COL6A1: variants seen among roughly 807,000 people sequenced by gnomAD.
COL6A1 encodes the protein collagen type VI alpha 1 chain.
COL6A1 carries 80 observed loss-of-function variants against 145.6 expected under a neutral mutation model. That is an observed-to-expected ratio of 0.55 (90% CI 0.46 to 0.66). The LOEUF (loss-of-function observed/expected upper bound fraction) is 0.66. Among genes scored for constraint, COL6A1 ranks in the 30% least tolerant of loss-of-function variants. COL6A1 has a pLI of 0.00. For missense variants in COL6A1, 1,364 were observed against 1,473.8 expected, an observed-to-expected ratio of 0.93 and a Z score of 1.22; for synonymous variants, 638 against 622.8, an observed-to-expected ratio of 1.02 and a Z score of -0.36.
chr21:45,999,419 A>G (rs1223126490), intron 26 of COL6A1: 2 of 739,062 alleles, frequency 2.7e-6, no homozygotes, highest in Non-Finnish European at 2.3e-6. Context: ...AGCCGAGCCC[A>G]GGGACACAGC....
At position 45,984,386 on chromosome 21, in the gene COL6A1, C is replaced by A; in HGVS notation, c.345C>A (p.Ser115Arg). 1 of 1,612,758 alleles carries A rather than the reference C, an allele frequency of 6.2e-7. No individual in the cohort carries two copies. The highest frequency in any genetic ancestry group is 8.5e-7 in the Non-Finnish European group (1 of 1,179,946). Residue 115 changes from serine to arginine, a missense_variant, in exon 3 of 35, where the codon AGC becomes AGA. Transcript: ENST00000361866. ...CTGGCGGCCGCGACGCACTCAAAAG[C>A]AGCGTGGACGCGGTCAAGTACTTTG... ...RMPGGRDALK[S>R]SVDAVKYFGK...
Position 46,004,410 on chromosome 21 carries a change from T to G in COL6A1, c.*397T>G. The G allele has an allele frequency of 2.9e-6, 1 of 344,892 alleles. No individual in the cohort carries two copies. The highest frequency in any genetic ancestry group is 5.6e-6 in the Non-Finnish European group (1 of 180,176). 21.4% of individuals were successfully genotyped at this position (344,892 alleles called of 1,614,324 possible). On this transcript the variant is annotated 3_prime_UTR_variant, in exon 35 of 35. Coordinates refer to ENST00000361866, the MANE Select transcript of COL6A1 (RefSeq NM_001848.3). The stretch of plus-strand genomic sequence containing the variant: ...CCTCCCTCCTGCCTGCGCAGCTCCT[T>G]CCCTAGGCACCTCTGTGCTGCATCC...
rs767699154 is a variant in COL6A1, at chr21:45,991,066, G to C, written c.1119+25G>C. On this transcript the variant is annotated intron_variant, in intron 15 of 34. Transcript: ENST00000361866. Reference sequence around the variant, plus strand: ...GGTGAGTGACTTGCGGCCCCTGGAGGACCAGGGCCTTCACGGTTGGCCAAG... The same window carrying C: ...GGTGAGTGACTTGCGGCCCCTGGAGCACCAGGGCCTTCACGGTTGGCCAAG... The C allele has an allele frequency of 6.2e-6, 10 of 1,611,494 alleles. 1 individual carries two copies. The South Asian group carries it at 1.1e-4, about 18-fold the overall frequency.
At position 45,998,102 on chromosome 21, in the gene COL6A1, G is replaced by A. The variant is rs769397837; in HGVS notation, c.1525-19G>A. 3.2e-5 allele frequency: 51 copies of A among 1,611,422 alleles called. No individual in the cohort carries two copies. The highest frequency in any genetic ancestry group is 4.0e-5 in the Non-Finnish European group (47 of 1,179,510). ...AGGCCAGGCCGATTCGCACGGTGAC[G>A]GCTACTCTGCTCCCCCAGGGAGAAG... is the stretch of plus-strand genomic sequence containing the variant. On this transcript the variant is annotated intron_variant, in intron 22 of 34. Coordinates refer to ENST00000361866, the MANE Select transcript of COL6A1 (RefSeq NM_001848.3).
At chr21:46,003,263 TG>T in intron 34 of COL6A1, 114 bp downstream of exon 34, 1 of 1,603,448 alleles carries the variant, frequency 6.2e-7, no homozygotes, top group East Asian at 2.2e-5. Flanking sequence ...AGTAGGTGCA[TG>T]GCTCACTCCG....
intron 1 of COL6A1, 105 bp from the exon 2 acceptor site, chr21:45,982,529 G>A: frequency 5.8e-6 from 9 of 1,541,884 alleles, no homozygotes; most frequent in Non-Finnish European, 8.0e-6. Flanking sequence ...CTCCGGGCCC[G>A]GGGCTCTGTG....
rs906464060 is a variant in COL6A1 at position 46,004,119 on chromosome 21, G to T, written c.*106G>T. On this transcript the variant is annotated 3_prime_UTR_variant, in exon 35 of 35. Coordinates refer to ENST00000361866, the MANE Select transcript of COL6A1 (RefSeq NM_001848.3). ...TTTTCCCGACCAACCTGATTCGCTA[G>T]ATTTTTTTTAAGGAAAAGCTTGGAA... The T allele has an allele frequency of 6.4e-5, 95 of 1,483,652 alleles. No homozygotes were observed. The highest frequency in any genetic ancestry group is 5.3e-5 in the Admixed American group (3 of 56,178). The allele number at this position is 1,483,652 out of a possible 1,614,324, so 91.9% of individuals were successfully genotyped here.
At position 45,989,015 on chromosome 21, in the gene COL6A1, C is replaced by G. The variant is rs902557994; in HGVS notation, c.805-69C>G. On this transcript the variant is annotated intron_variant, in intron 8 of 34. Transcript: ENST00000361866. ...GCTGGATGAAGCGTCTTTTTAAAAA[C>G]CTGTTTCGTGAGCCAGCTTTTTAGA... The G allele has an allele frequency of 1.1e-5, 17 of 1,574,954 alleles. No homozygotes were observed. In the African/African-American group the frequency reaches 1.8e-4, roughly 16 times the overall value.
At chr21:45,991,242 T>C (rs1386254103) in intron 15 of COL6A1, among the ~76,000 whole-genome samples, 2 of 152,132 alleles carry the variant, frequency 1.3e-5, no homozygotes, top group Non-Finnish European at 2.9e-5. Flanking sequence ...GCCGTGGCGC[T>C]CCCGCCCAGA....
rs1415065984 is a variant in COL6A1 at position 45,982,670 on chromosome 21, CTG to C, written c.135_136del (p.Ser47ArgfsTer34). 1 of 1,612,932 alleles carries C rather than the reference CTG, an allele frequency of 6.2e-7. No individual in the cohort carries two copies. The highest frequency in any genetic ancestry group is 1.7e-5 in the Admixed American group (1 of 60,030). On this transcript the variant is annotated frameshift_variant, in exon 2 of 35. Transcript: ENST00000361866. LOFTEE classifies it high-confidence loss of function. ...GACCTGTTCTTTGTGCTGGACACCTCTGAGAGCGTGGCCCTGAGGCTGAAGCC... is the reference window on the plus strand; with the variant it reads ...GACCTGTTCTTTGTGCTGGACACCTCAGAGCGTGGCCCTGAGGCTGAAGCC...
Position 45,981,903 on chromosome 21 carries a change from C to T in COL6A1, c.53C>T (p.Ala18Val), listed in dbSNP as rs1394319780. The T allele has an allele frequency of 4.4e-6, 7 of 1,606,420 alleles. No individual in the cohort carries two copies. In the East Asian group the frequency reaches 6.7e-5, roughly 15 times the overall value. ...CTGCTGCTGCAGGCCTGCTGGACAG[C>T]CGCGCAGGATGAGCCGGAGACCCCG... is the stretch of plus-strand genomic sequence containing the variant. ...LPLLLQACWT[A>V]AQDEPETPRA... is the part of the protein sequence containing the mutation. Residue 18 changes from alanine to valine, a missense_variant, in exon 1 of 35, where the codon GCC becomes GTC. Around this residue, in one of 3 missense-constraint regions of COL6A1, gnomAD observed 414 missense variants for 437.6 expected, o/e 0.95. Transcript: ENST00000361866.
chr21:45,995,281 C>G (rs2077798787), intron 20 of COL6A1, among the ~76,000 whole-genome samples: 1 of 152,258 alleles, frequency 6.6e-6, no homozygotes, highest in East Asian at 1.9e-4. Context: ...TGCACGGCCT[C>G]AGTCTCTGAT....
intron 15 of COL6A1, among the ~76,000 whole-genome samples, chr21:45,991,363 C>T (rs2077776211): frequency 6.6e-6 from 1 of 152,316 alleles, no homozygotes; most frequent in Admixed American, 6.5e-5. Context: ...CTGCGAGCCG[C>T]AGCCCAGAAT....
At chr21:45,982,973 C>T (rs992706336) in intron 2 of COL6A1, among the ~76,000 whole-genome samples, 2 of 152,236 alleles carry the variant, frequency 1.3e-5, no homozygotes, top group Non-Finnish European at 2.9e-5. Flanking sequence ...CCTCTCCCAG[C>T]GCCTTCCAGA....
rs1391624796 is a variant in COL6A1, at chr21:45,989,090, C to T, written c.811C>T (p.Arg271Ter). 6.8e-6 allele frequency: 11 copies of T among 1,611,448 alleles called. No homozygotes were observed. Among genetic ancestry groups the T allele is most frequent in the South Asian group, 2.2e-5 (2 of 90,950 alleles). ...LRGDPGFEGE[R>*]GKPGLPGEKG... is the part of the protein sequence containing the mutation. ...GACCTGTTTTGTGTTCCAGGGAGAA[C>T]GAGGCAAGCCGGGGCTCCCAGGAGA... Residue 271 changes from arginine (R) to a stop codon, truncating the protein, a stop_gained, in exon 9 of 35, where the codon CGA (arginine) becomes TGA (stop). Transcript: ENST00000361866. LOFTEE classifies it high-confidence loss of function.
intron 3 of COL6A1, among the ~76,000 whole-genome samples, chr21:45,985,651 ACCCAGCCCTTCACGAGGCCTCAGGAT>A (rs1350912239): frequency 6.6e-6 from 1 of 152,136 alleles, no homozygotes; most frequent in Non-Finnish European, 1.5e-5. Context: ...GCCTCCCCAC[ACCCAGCCCTTCACGAGGCCTCAGGAT>A]CCCAGTGGGG....
rs747604411 is a variant in COL6A1 at position 45,984,361 on chromosome 21, C to T, written c.320C>T (p.Pro107Leu). The T allele has an allele frequency of 9.3e-6, 15 of 1,612,552 alleles. No homozygotes were observed. Among genetic ancestry groups the T allele is most frequent in the Non-Finnish European group, 1.3e-5 (15 of 1,179,898 alleles). Residue 107 changes from proline to leucine, a missense_variant, in exon 3 of 35, where the codon CCT becomes CTT. Coordinates refer to ENST00000361866, the MANE Select transcript of COL6A1 (RefSeq NM_001848.3). ...ATCATCCAAGGCCTCACGCGCATGC[C>T]TGGCGGCCGCGACGCACTCAAAAGC... ...VEIIQGLTRM[P>L]GGRDALKSSV...
At chr21:45,990,120 G>A in intron 11 of COL6A1, 138 bp from the exon 12 acceptor site, 1 of 1,143,708 alleles carries the variant, frequency 8.7e-7, no homozygotes, top group Non-Finnish European at 1.3e-6. Context: ...ATCACTGTCA[G>A]TCCCCATGAT....
In COL6A1 at chr21:45,994,217, C is replaced by T. The variant is rs199510407; in HGVS notation, c.1386C>T (p.Val462=). The T allele has an allele frequency of 1.9e-6, 3 of 1,609,598 alleles. No homozygotes were observed. In the East Asian group the frequency reaches 6.7e-5, roughly 36 times the overall value. The part of the protein sequence containing the change: ...GDQGREGPVG[V]PGDPGEAGPI... ...AGGGAAGAGAAGGCCCCGTTGGTGT[C>T]CCTGGAGACCCGGTAGGAAGCGCTG... The change falls in exon 20 of 35, where the codon GTC becomes GTT. Residue 462 remains valine, a synonymous_variant. Transcript: ENST00000361866. This position sits in a 1 kb window ranked among gnomAD's most constrained non-coding sequence, Gnocchi z 6.8.
Sources: allele counts gnomAD v4.1 joint callset (sites outside exome capture counted in the v4.1 genomes callset), GRCh38; gene constraint gnomAD v4.1.1; regional missense constraint gnomAD v4.1.1; non-coding constraint Gnocchi (gnomAD v3.1); transcripts MANE v1.5; gene names NCBI Gene and HGNC (gene_info 2026-07-23, HGNC 2026-07-21).